Variants in BICC1 observed in about 807,000 individuals in gnomAD.
The protein encoded by BICC1 is BicC family RNA binding protein 1.
BICC1 carries 43 observed loss-of-function variants against 111.0 expected under a neutral mutation model. The ratio of observed to expected loss-of-function variants is 0.39; its 90% CI spans 0.30 to 0.50. BICC1 has a LOEUF of 0.50. BICC1 is among the 20% of genes least tolerant of loss of function. The probability of loss-of-function intolerance (pLI) is 0.88; values close to 1 mark genes in which losing one functional copy is unlikely to be tolerated. For synonymous variants in BICC1, 467 were observed against 434.4 expected (o/e 1.07, Z -0.93); for missense variants, 1,091 against 1,203.2 (o/e 0.91, Z 1.38).
At chr10:58,567,105 G>C (rs553904153) in intron 1 of BICC1, among the ~76,000 whole-genome samples, 7 of 152,302 alleles carry the variant, frequency 4.6e-5, no homozygotes, top group Non-Finnish European at 1.0e-4. Flanking sequence ...CATAATTCAC[G>C]TGCATAGTGG....
intron 9 of BICC1, 107 bp from the exon 10 acceptor site, chr10:58,796,233 T>A (rs1354984058): frequency 5.4e-6 from 5 of 922,006 alleles, no homozygotes; most frequent in Non-Finnish European, 8.4e-6. Flanking sequence ...ATATGTCCCC[T>A]GAGTGGAATT....
chr10:58,814,483 A>G (rs992978241), intron 18 of BICC1, among the ~76,000 whole-genome samples: 2 of 152,124 alleles, frequency 1.3e-5, no homozygotes, highest in African/African-American at 4.8e-5. Context: ...AGACAAGGAC[A>G]TAAGAAAGTG....
chr10:58,780,626 G>C (rs1452362554), intron 3 of BICC1, among the ~76,000 whole-genome samples: 1 of 152,126 alleles, frequency 6.6e-6, no homozygotes, highest in East Asian at 1.9e-4. Flanking sequence ...GTGGGAAGGA[G>C]GTTTAGGGGC....
intron 2 of BICC1, among the ~76,000 whole-genome samples, chr10:58,634,875 C>T (rs1370090459): frequency 4.6e-5 from 7 of 151,966 alleles, no homozygotes; most frequent in South Asian, 4.2e-4. Context: ...TTAAGAAAAT[C>T]GTAAGGAAGA....
chr10:58,608,096 T>C (rs1588922363), intron 1 of BICC1, among the ~76,000 whole-genome samples: 1 of 152,216 alleles, frequency 6.6e-6, no homozygotes, highest in African/African-American at 2.4e-5. Flanking sequence ...ACTGGTATTA[T>C]ACTCCTAGTA....
intron 2 of BICC1, 40 bp from the exon 3 acceptor site, chr10:58,702,034 T>C: frequency 6.7e-7 from 1 of 1,503,674 alleles, no homozygotes; most frequent in Non-Finnish European, 9.2e-7. Flanking sequence ...TAAATACAAG[T>C]TTTTAATTGA....
rs748533086 is a variant in BICC1 at position 58,803,117 on chromosome 10, A to C, written c.2056A>C (p.Thr686Pro). The C allele has an allele frequency of 4.3e-6, 7 of 1,609,760 alleles. No individual in the cohort carries two copies. Among genetic ancestry groups the C allele is most frequent in the Admixed American group, 3.4e-5 (2 of 59,492 alleles). Residue 686 changes from threonine to proline, a missense_variant, in exon 15 of 21, where the codon ACC (threonine) becomes CCC (proline). By Grantham distance (38) the Thr-to-Pro change is conservative. Coordinates refer to ENST00000373886, the MANE Select transcript of BICC1 (RefSeq NM_001080512.3). ...GCTCTCAGACCCTGAACTGAGTGCT[A>C]CCGAAAGCCCTTTGGCTGACAAGAA... The part of the protein sequence containing the change: ...RLLSDPELSA[T>P]ESPLADKKAP...
At chr10:58,690,578 C>T (rs1839880788) in intron 2 of BICC1, among the ~76,000 whole-genome samples, 1 of 152,198 alleles carries the variant, frequency 6.6e-6, no homozygotes, top group Admixed American at 6.5e-5. Flanking sequence ...ATACATACCT[C>T]CTTTCAATAT....
rs1843520600 is a variant in BICC1, at chr10:58,800,799, T to G, written c.1859-91T>G. ...TCAGGTTAATCATGTCTCCATAGAG[T>G]AGGGTTCTGATTTGTTTCCATTGCA... On this transcript the variant is annotated intron_variant, in intron 13 of 20. Coordinates refer to ENST00000373886, the MANE Select transcript of BICC1 (RefSeq NM_001080512.3). 18 of 1,265,498 alleles carry G rather than the reference T, an allele frequency of 1.4e-5. 1 individual carries two copies. The South Asian group carries it at 2.8e-4, about 20-fold the overall frequency. 78.4% of individuals were successfully genotyped at this position (1,265,498 alleles called of 1,614,324 possible). A position where few individuals can be genotyped will look rare whatever the true frequency, so the allele number is the denominator to read the frequency against.
At position 58,621,863 on chromosome 10, in the gene BICC1, A is replaced by C. The variant is rs183377719; in HGVS notation, c.237+962A>C. On this transcript the variant is annotated intron_variant, in intron 2 of 20. Transcript: ENST00000373886. Reference sequence around the variant, plus strand: ...CAGTGAGCTGAGATTGTGCCACTGCACTCCAGCCTGGGCAACAGAGTGAGA... The same window carrying C: ...CAGTGAGCTGAGATTGTGCCACTGCCCTCCAGCCTGGGCAACAGAGTGAGA... 1.0e-3 allele frequency among the ~76,000 whole-genome samples: 156 copies of C among 151,718 alleles called. 2 individuals are homozygous for C. The highest frequency in any genetic ancestry group is 5.9e-4 in the Non-Finnish European group (40 of 67,948).
At chr10:58,696,850 G>A (rs2132431459) in intron 2 of BICC1, among the ~76,000 whole-genome samples, 1 of 152,220 alleles carries the variant, frequency 6.6e-6, no homozygotes, top group Admixed American at 6.5e-5. Flanking sequence ...CTTTCTTTTG[G>A]TTTTGTGGTG....
At chr10:58,744,053 C>G (rs1841754289) in intron 3 of BICC1, among the ~76,000 whole-genome samples, 1 of 152,016 alleles carries the variant, frequency 6.6e-6, no homozygotes, top group African/African-American at 2.4e-5. Context: ...AAGAAGTTAG[C>G]TTATTCAAGG....
intron 1 of BICC1, among the ~76,000 whole-genome samples, chr10:58,589,240 C>T (rs181444527): frequency 6.4e-4 from 97 of 152,218 alleles, no homozygotes; most frequent in Non-Finnish European, 1.1e-3. Context: ...TCCCTACCAG[C>T]GCCTCCGGGG....
At chr10:58,644,170 C>A (rs1409686910) in intron 2 of BICC1, among the ~76,000 whole-genome samples, 1 of 152,122 alleles carries the variant, frequency 6.6e-6, no homozygotes, top group African/African-American at 2.4e-5. Flanking sequence ...GCACCAGTTA[C>A]AACACATAGC....
chr10:58,807,854 A>T (rs1843759307), intron 17 of BICC1, among the ~76,000 whole-genome samples: 1 of 152,160 alleles, frequency 6.6e-6, no homozygotes, highest in Non-Finnish European at 1.5e-5. Flanking sequence ...GCACACATAC[A>T]CAATGCTGGG....
chr10:58,668,487 T>C (rs1263011120), intron 2 of BICC1, among the ~76,000 whole-genome samples: 4 of 152,108 alleles, frequency 2.6e-5, no homozygotes, highest in African/African-American at 7.2e-5. Context: ...CACAACAACC[T>C]GTATCCCAGT....
At chr10:58,783,042 T>A (rs1842922220) in intron 3 of BICC1, among the ~76,000 whole-genome samples, 1 of 152,170 alleles carries the variant, frequency 6.6e-6, no homozygotes. Context: ...GTTAGGCCCC[T>A]CATTTCATAA....
At chr10:58,615,347 T>TC (rs1219931681) in intron 1 of BICC1, among the ~76,000 whole-genome samples, 4 of 152,158 alleles carry the variant, frequency 2.6e-5, no homozygotes, top group Admixed American at 2.6e-4. Flanking sequence ...TGTGCCGCAG[T>TC]CAAGAATACG....
At chr10:58,648,427 A>C (rs1403765815) in intron 2 of BICC1, 1 of 809,760 alleles carries the variant, frequency 1.2e-6, no homozygotes, top group African/African-American at 1.9e-5. Context: ...TTTTGAATCT[A>C]AGCCAAAAAA....
Sources: gnomAD v4.1 joint callset for allele counts (sites outside exome capture counted in the v4.1 genomes callset) on GRCh38, gnomAD v4.1.1 for gene constraint, MANE v1.5 for transcripts, NCBI Gene and HGNC (gene_info 2026-07-23, HGNC 2026-07-21) for gene names.